ARFGEF2: variants seen among roughly 807,000 people sequenced by gnomAD.
ARFGEF2 encodes the protein ARF guanine nucleotide exchange factor 2.
ARFGEF2 carries 74 observed loss-of-function variants against 219.9 expected under a neutral mutation model. The ratio of observed to expected loss-of-function variants is 0.34; its 90% confidence interval spans 0.28 to 0.41. The LOEUF is 0.41. Among genes scored for constraint, ARFGEF2 ranks in the 10% least tolerant of loss-of-function variants. ARFGEF2 has a pLI of 1.00. For synonymous variants in ARFGEF2, 733 were observed against 799.2 expected (o/e 0.92, Z 1.40); for missense variants, 1,743 against 2,218.3 (o/e 0.79, Z 4.30).
At chr20:48,956,482 T>G (rs1369729024) in intron 6 of ARFGEF2, among the ~76,000 whole-genome samples, 1 of 152,218 alleles carries the variant, frequency 6.6e-6, no homozygotes, top group African/African-American at 2.4e-5. Context: ...GATTCTGACT[T>G]TTAACTCCCA....
rs545200972 is a variant in ARFGEF2, at chr20:49,003,538, G to A, written c.3433-1532G>A. Among the ~76,000 whole-genome samples, 14 of 152,002 alleles carry A rather than the reference G, an allele frequency of 9.2e-5. 1 individual carries two copies. The highest frequency in any genetic ancestry group is 6.8e-3 in the Middle Eastern group (2 of 294). ...GAGAATTGCTTGAACTGGGGAGGTGGAGATTGCAGTGAGCTGAGACCACAC... is the reference window on the plus strand; with the variant it reads ...GAGAATTGCTTGAACTGGGGAGGTGAAGATTGCAGTGAGCTGAGACCACAC... On this transcript the variant is annotated intron_variant, in intron 25 of 38. Transcript: ENST00000371917.
intron 14 of ARFGEF2, among the ~76,000 whole-genome samples, chr20:48,982,985 AC>A (rs1456825696): frequency 2.0e-5 from 3 of 151,910 alleles, no homozygotes; most frequent in Non-Finnish European, 4.4e-5. Context: ...GCTTCAGCTC[AC>A]CCTACGTGGG....
chr20:48,992,889 T>G (rs906358918), intron 21 of ARFGEF2, among the ~76,000 whole-genome samples: 2 of 151,476 alleles, frequency 1.3e-5, no homozygotes, highest in African/African-American at 2.4e-5. Flanking sequence ...TAAAAAAAAA[T>G]TATTTTTTTA....
intron 3 of ARFGEF2, among the ~76,000 whole-genome samples, chr20:48,945,918 G>T (rs2091023444): frequency 6.6e-6 from 1 of 152,178 alleles, no homozygotes; most frequent in Admixed American, 6.5e-5. Context: ...AGATGTAATA[G>T]ATTCTCTGAG....
intron 18 of ARFGEF2, 122 bp downstream of exon 18, chr20:48,988,784 TTGAA>T: frequency 1.1e-6 from 1 of 905,310 alleles, no homozygotes; most frequent in Non-Finnish European, 1.7e-6. Context: ...GGAAATGTGA[TTGAA>T]TTAATTATTG....
Position 48,989,509 on chromosome 20 carries a change from T to C in ARFGEF2, c.2686-47T>C. On this transcript the variant is annotated intron_variant, in intron 19 of 38. Coordinates refer to ENST00000371917, the MANE Select transcript of ARFGEF2 (RefSeq NM_006420.3). ...AAGCTGGCCAGCGAGAAGTACTCTT[T>C]CCACGCTAAAACTCTGGATGTTATT... 3 of 1,614,274 alleles carry C rather than the reference T, an allele frequency of 1.9e-6. No homozygotes were observed. The South Asian group carries it at 3.3e-5, about 18-fold the overall frequency.
At chr20:49,017,106 A>T in intron 31 of ARFGEF2, 143 bp from the exon 32 acceptor site, 1 of 744,730 alleles carries the variant, frequency 1.3e-6, no homozygotes, top group Non-Finnish European at 2.1e-6. Context: ...AAATTTTAAT[A>T]CTGTCTGTAG....
intron 6 of ARFGEF2, among the ~76,000 whole-genome samples, chr20:48,954,240 G>A (rs1014247067): frequency 4.6e-5 from 7 of 152,140 alleles, no homozygotes; most frequent in Non-Finnish European, 7.4e-5. Flanking sequence ...GTGGATGGAC[G>A]GATAGACAGA....
chr20:48,960,845 G>T (rs1397047844), intron 6 of ARFGEF2, among the ~76,000 whole-genome samples: 1 of 150,590 alleles, frequency 6.6e-6, no homozygotes, highest in African/African-American at 2.4e-5. Flanking sequence ...ATTTTGGGAG[G>T]CCGAGGCAGG....
Position 48,998,238 on chromosome 20 carries a change from G to T in ARFGEF2, c.3262+5G>T. The T allele has an allele frequency of 6.2e-7, 1 of 1,614,154 alleles. No homozygotes were observed. Among genetic ancestry groups the T allele is most frequent in the Non-Finnish European group, 8.5e-7 (1 of 1,180,004 alleles). Reference sequence around the variant, plus strand: ...GACTGGATGGAAATGCAATAGGTATGTATTTGACTTACCTGTGAAAACTGC... The same window carrying T: ...GACTGGATGGAAATGCAATAGGTATTTATTTGACTTACCTGTGAAAACTGC... On this transcript the variant is annotated splice_donor_5th_base_variant and intron_variant, in intron 24 of 38. Transcript: ENST00000371917.
In ARFGEF2 at chr20:48,952,854, C is replaced by T. The variant is rs773904164; in HGVS notation, c.573C>T (p.Asn191=). 1.9e-5 allele frequency: 30 copies of T among 1,614,248 alleles called. 1 individual carries two copies. The South Asian group carries it at 2.3e-4, about 12-fold the overall frequency. Reference sequence around the variant, plus strand: ...AGGCTACCCTTACTCAGATGCTGAACGTCATTTTCACCCGCATGGAAAACC... The same window carrying T: ...AGGCTACCCTTACTCAGATGCTGAATGTCATTTTCACCCGCATGGAAAACC... The part of the protein sequence containing the change: ...TAKATLTQML[N]VIFTRMENQV... The change falls in exon 5 of 39, where the codon AAC becomes AAT. Residue 191 remains asparagine, a synonymous_variant. Coordinates refer to ENST00000371917, the MANE Select transcript of ARFGEF2 (RefSeq NM_006420.3).
chr20:49,033,522 G>C lies in ARFGEF2; in HGVS notation c.*323G>C. Reference sequence around the variant, plus strand: ...CAAAATCCCATGATTGGCTATAAACGTTTTGTAAGAAGTCACTCTCCTTGA... The same window carrying C: ...CAAAATCCCATGATTGGCTATAAACCTTTTGTAAGAAGTCACTCTCCTTGA... On this transcript the variant is annotated 3_prime_UTR_variant, in exon 39 of 39. Coordinates refer to ENST00000371917, the MANE Select transcript of ARFGEF2 (RefSeq NM_006420.3). 1 of 322,576 alleles carries C rather than the reference G, an allele frequency of 3.1e-6. No individual in the cohort carries two copies. The highest frequency in any genetic ancestry group is 6.0e-6 in the Non-Finnish European group (1 of 168,040). The allele number at this position is 322,576 out of a possible 1,614,324, so 20.0% of individuals were successfully genotyped here.
At chr20:49,027,427 T>C (rs2091610282) in intron 36 of ARFGEF2, among the ~76,000 whole-genome samples, 1 of 152,146 alleles carries the variant, frequency 6.6e-6, no homozygotes, top group Non-Finnish European at 1.5e-5. Flanking sequence ...CCAGGCAAGG[T>C]GGTTCACACC....
chr20:48,951,136 G>C (rs1216370674), intron 3 of ARFGEF2, among the ~76,000 whole-genome samples, 187 bp from the exon 4 acceptor site: 1 of 151,976 alleles, frequency 6.6e-6, no homozygotes, highest in African/African-American at 2.4e-5. Context: ...ACCATTCCAG[G>C]CATCTTTTGC....
At chr20:48,941,132 T>A in intron 1 of ARFGEF2, 67 bp from the exon 2 acceptor site, 1 of 1,445,098 alleles carries the variant, frequency 6.9e-7, no homozygotes, top group South Asian at 1.2e-5. Flanking sequence ...CAAATATCTT[T>A]TAGTAAAGTT....
chr20:49,001,569 G>A (rs574959172), intron 25 of ARFGEF2, among the ~76,000 whole-genome samples: 1 of 152,322 alleles, frequency 6.6e-6, no homozygotes, highest in South Asian at 2.1e-4. Flanking sequence ...TAAGCATGGT[G>A]TGTATGCCTG....
chr20:49,016,609 A>C (rs914000432), intron 31 of ARFGEF2, among the ~76,000 whole-genome samples, 194 bp downstream of exon 31: 7 of 152,194 alleles, frequency 4.6e-5, no homozygotes, highest in African/African-American at 1.7e-4. Flanking sequence ...TTTCTTAAAG[A>C]TGGGATATAG....
Position 48,963,838 on chromosome 20 carries a change from G to A in ARFGEF2, c.847G>A (p.Asp283Asn), listed in dbSNP as rs372150935. ...ERGSSLSGTDDGAQEVVKDIL... is the reference protein window; with the variant it reads ...ERGSSLSGTDNGAQEVVKDIL... ...TTTGGATGTGTGTGTAGGGACTGAT[G>A]ACGGAGCCCAGGAGGTGGTGAAGGA... Residue 283 changes from aspartate to asparagine, a missense_variant, in exon 7 of 39, where the codon GAC (aspartate) becomes AAC (asparagine). Asp to Asn is a conservative substitution (Grantham distance 23). Coordinates refer to ENST00000371917, the MANE Select transcript of ARFGEF2 (RefSeq NM_006420.3). The A allele has an allele frequency of 5.5e-5, 88 of 1,613,872 alleles. No individual in the cohort carries two copies. Among genetic ancestry groups the A allele is most frequent in the Non-Finnish European group, 7.3e-5 (86 of 1,179,960 alleles).
intron 21 of ARFGEF2, among the ~76,000 whole-genome samples, chr20:48,993,736 T>C (rs1324123408): frequency 6.6e-6 from 1 of 152,170 alleles, no homozygotes; most frequent in East Asian, 1.9e-4. Context: ...ATCTGCATTC[T>C]CAAGCACCAG....
Sources: allele counts gnomAD v4.1 joint callset (sites outside exome capture counted in the v4.1 genomes callset), GRCh38; gene constraint gnomAD v4.1.1; transcripts MANE v1.5; gene names NCBI Gene and HGNC (gene_info 2026-07-23, HGNC 2026-07-21).